NOMO1: variants seen among roughly 807,000 people sequenced by gnomAD.
The protein encoded by NOMO1 is nodal modulator 3.
Under a neutral mutation model 133.8 loss-of-function variants are expected in NOMO1, and 40 were observed. The observed-to-expected ratio is 0.30, with a 90% CI of 0.23 to 0.39. The LOEUF (loss-of-function observed/expected upper bound fraction) is 0.39, where lower values mean the gene tolerates loss of function less well. Ranked by LOEUF, NOMO1 falls within the 10% of genes least tolerant of loss-of-function variation. The pLI is 1.00. For synonymous variants in NOMO1, 236 were observed against 570.5 expected (o/e 0.41, Z 8.36); for missense variants, 462 against 1,419.9 (o/e 0.33, Z 10.84).
intron 29 of NOMO1, among the ~76,000 whole-genome samples, chr16:14,893,634 C>T (rs1393683966): frequency 2.0e-5 from 3 of 151,678 alleles, no homozygotes; most frequent in Non-Finnish European, 2.9e-5. Flanking sequence ...CCAGGTACAG[C>T]GGCGCCCACA....
rs994843705 is a variant in NOMO1 at position 14,835,336 on chromosome 16, G to C, written c.165+1320G>C. Among the ~76,000 whole-genome samples the C allele has an allele frequency of 2.0e-5, 3 of 151,202 alleles. 1 individual carries two copies. Among genetic ancestry groups the C allele is most frequent in the African/African-American group, 4.9e-5 (2 of 40,742 alleles). The stretch of plus-strand genomic sequence containing the variant: ...GCGGCAGGGCTCCTAGGATTTCCTG[G>C]GTACATGTTTCTGGGTGCCCATGCC... On this transcript the variant is annotated intron_variant, in intron 1 of 30. Coordinates refer to ENST00000287667, the MANE Select transcript of NOMO1 (RefSeq NM_014287.4).
intron 26 of NOMO1, among the ~76,000 whole-genome samples, chr16:14,884,157 T>C (rs1248305981): frequency 6.6e-6 from 1 of 151,500 alleles, no homozygotes; most frequent in African/African-American, 2.4e-5. Flanking sequence ...AGAAAAAAAA[T>C]ACTGTGCTTT....
At chr16:14,892,419 A>ACCTG (rs1964418438) in intron 29 of NOMO1, among the ~76,000 whole-genome samples, 1 of 151,450 alleles carries the variant, frequency 6.6e-6, no homozygotes, top group South Asian at 2.1e-4. Flanking sequence ...TCAGGGACAC[A>ACCTG]CCTGGGAGCC....
At chr16:14,874,397 C>A (rs1353298951) in intron 18 of NOMO1, among the ~76,000 whole-genome samples, 3 of 151,988 alleles carry the variant, frequency 2.0e-5, no homozygotes, top group Non-Finnish European at 4.4e-5. Flanking sequence ...GGACTTTGCA[C>A]TTGGCATCGC....
chr16:14,853,897 T>C (rs2151895730), intron 8 of NOMO1, 40 bp from the exon 9 acceptor site: 3 of 1,610,966 alleles, frequency 1.9e-6, no homozygotes, highest in East Asian at 2.2e-5. Flanking sequence ...TGATTGATCA[T>C]GTTAGTGGTT....
In NOMO1 at chr16:14,889,228, G is replaced by A. The variant is rs1268276245; in HGVS notation, c.3444+13G>A. 6.2e-7 allele frequency: 1 copy of A among 1,611,578 alleles called. No individual in the cohort carries two copies. Among genetic ancestry groups the A allele is most frequent in the Admixed American group, 1.7e-5 (1 of 59,988 alleles). On this transcript the variant is annotated intron_variant, in intron 29 of 30. Coordinates refer to ENST00000287667, the MANE Select transcript of NOMO1 (RefSeq NM_014287.4). ...TTTTAATCCCACGGTAAGTAAAAGAGGGAGTTAAAAAAAAACCCATGGGCT... is the reference window on the plus strand; with the variant it reads ...TTTTAATCCCACGGTAAGTAAAAGAAGGAGTTAAAAAAAAACCCATGGGCT...
Position 14,875,602 on chromosome 16 carries a change from TTGGATGGATGGA to T in NOMO1, c.2356+211_2356+222del, listed in dbSNP as rs1166983816. On this transcript the variant is annotated intron_variant, in intron 20 of 30. Coordinates refer to ENST00000287667, the MANE Select transcript of NOMO1 (RefSeq NM_014287.4). ...ATGGATGGATGGATGGATGGTTGGG[TTGGATGGATGGA>T]TGGATGGATGGATGGATGGATGGAT... Among the ~76,000 whole-genome samples, 41 of 149,358 alleles carry T rather than the reference TTGGATGGATGGA, an allele frequency of 2.7e-4. No homozygotes were observed. In the South Asian group the frequency reaches 2.8e-3, roughly 10 times the overall value.
In NOMO1 at chr16:14,868,568, T is replaced by G. The variant is rs1411915308; in HGVS notation, c.1827T>G (p.Asn609Lys). ...CTTAGGAATTTTATCAGGATGGAAA[T>G]GGGCGTGAGAATGTGGGGATTTATA... is the stretch of plus-strand genomic sequence containing the variant. ...AITLEFYQDG[N>K]GRENVGIYNL... Residue 609 changes from asparagine (N) to lysine (K), a missense_variant, in exon 16 of 31, where the codon AAT becomes AAG. Asn to Lys is a moderately conservative substitution (Grantham distance 94, BLOSUM62 0). Transcript: ENST00000287667. 1.2e-6 allele frequency: 2 copies of G among 1,611,700 alleles called. No homozygotes were observed.
intron 29 of NOMO1, among the ~76,000 whole-genome samples, chr16:14,893,551 A>T (rs1964436200): frequency 6.6e-6 from 1 of 152,070 alleles, no homozygotes; most frequent in African/African-American, 2.4e-5. Context: ...AGAGATGTCC[A>T]AAGATACAGG....
At chr16:14,840,910 T>C (rs1963595958) in intron 2 of NOMO1, among the ~76,000 whole-genome samples, 1 of 151,398 alleles carries the variant, frequency 6.6e-6, no homozygotes, top group Non-Finnish European at 1.5e-5. Context: ...CAAGTGACCC[T>C]CCTGCCTTGG....
intron 24 of NOMO1, 73 bp from the exon 25 acceptor site, chr16:14,881,471 G>A: frequency 6.2e-7 from 1 of 1,609,300 alleles, no homozygotes; most frequent in South Asian, 1.1e-5. Context: ...ATAATTGTTG[G>A]TAAACGGGAA....
At chr16:14,852,395 AT>A in intron 6 of NOMO1, 34 bp from the exon 7 acceptor site, 3 of 1,536,780 alleles carry the variant, frequency 2.0e-6, no homozygotes, top group Admixed American at 4.6e-5. Context: ...GCAAGTGTTT[AT>A]TTTTTTACAG....
At chr16:14,844,019 T>C (rs1486138838) in intron 3 of NOMO1, among the ~76,000 whole-genome samples, 2 of 139,800 alleles carry the variant, frequency 1.4e-5, no homozygotes, top group Admixed American at 1.5e-4. Flanking sequence ...TGAGTGGCGG[T>C]TGTCTCCTTT....
Position 14,853,618 on chromosome 16 carries a change from A to G in NOMO1, c.873+14A>G, listed in dbSNP as rs1427804421. The G allele has an allele frequency of 6.2e-7, 1 of 1,611,522 alleles. No individual in the cohort carries two copies. The highest frequency in any genetic ancestry group is 8.5e-7 in the Non-Finnish European group (1 of 1,179,810). ...GGCTACACTGTGGTGAGTAAAGCAG[A>G]TTTCCGTTCTGTTTATGTCTGAGAC... is the stretch of plus-strand genomic sequence containing the variant. On this transcript the variant is annotated intron_variant, in intron 8 of 30. Coordinates refer to ENST00000287667, the MANE Select transcript of NOMO1 (RefSeq NM_014287.4).
intron 15 of NOMO1, among the ~76,000 whole-genome samples, chr16:14,867,644 A>G (rs373994676): frequency 0.019 from 2,838 of 148,764 alleles, 51 homozygotes; most frequent in East Asian, 0.058. Flanking sequence ...TGAATTTTCT[A>G]TAATGTTTTG....
In NOMO1 at chr16:14,884,358, CTT is replaced by C; in HGVS notation, c.3112-12_3112-11del. ...AGCTTTCTCATTACTGGTATTCCCT[CTT>C]TCTCTCTCTAGGTTGGGAATAATGA... is the stretch of plus-strand genomic sequence containing the variant. On this transcript the variant is annotated splice_polypyrimidine_tract_variant and intron_variant, in intron 26 of 30. Transcript: ENST00000287667. 8.4e-7 allele frequency: 1 copy of C among 1,193,566 alleles called. No homozygotes were observed. Among genetic ancestry groups the C allele is most frequent in the Non-Finnish European group, 1.2e-6 (1 of 819,200 alleles). The allele number at this position is 1,193,566 out of a possible 1,614,324, so 73.9% of individuals were successfully genotyped here. A position where few individuals can be genotyped will look rare whatever the true frequency, so the allele number is the denominator to read the frequency against.
chr16:14,869,784 ATAAGTTTATGTT>A (rs1223861996), intron 16 of NOMO1, among the ~76,000 whole-genome samples: 2 of 151,572 alleles, frequency 1.3e-5, no homozygotes. Flanking sequence ...GCATTGTGTG[ATAAGTTTATGTT>A]TAACCTTTTA....
At chr16:14,840,974 G>C (rs1161854576) in intron 2 of NOMO1, among the ~76,000 whole-genome samples, 2 of 151,688 alleles carry the variant, frequency 1.3e-5, no homozygotes, top group African/African-American at 4.9e-5. Flanking sequence ...GCCAAATCTA[G>C]TTTTAGGGGG....
At chr16:14,878,377 C>T (rs1433875574) in intron 22 of NOMO1, among the ~76,000 whole-genome samples, 2 of 123,302 alleles carry the variant, frequency 1.6e-5, no homozygotes, top group African/African-American at 6.3e-5. Context: ...GCCTATAGTC[C>T]CATCTCCTCA....
Sources: gnomAD v4.1 joint callset for allele counts (sites outside exome capture counted in the v4.1 genomes callset) on GRCh38, gnomAD v4.1.1 for gene constraint, MANE v1.5 for transcripts, NCBI Gene and HGNC (gene_info 2026-07-23, HGNC 2026-07-21) for gene names.